Variants in SPINK6 observed in about 807,000 individuals in gnomAD.
The protein encoded by SPINK6 is serine peptidase inhibitor Kazal type 6, also known as serine protease inhibitor Kazal-type 6.
In SPINK6, 13 loss-of-function variants were observed where a neutral mutation model predicts 11.7. The ratio of observed to expected loss-of-function variants is 1.11; its 90% CI spans 0.72 to 1.76. SPINK6 has a LOEUF of 1.76. Ranked by LOEUF, SPINK6 falls within the 40% of genes most tolerant of loss-of-function variation. The pLI, the probability that SPINK6 is intolerant of heterozygous loss-of-function variation, is 0.00. For missense variants in SPINK6, 98 were observed against 93.7 expected (o/e 1.05, Z -0.19); for synonymous variants, 21 against 31.9 (o/e 0.66, Z 1.15).
At chr5:148,204,186 C>T (rs1187347814) in intron 1 of SPINK6, among the ~76,000 whole-genome samples, 2 of 151,872 alleles carry the variant, frequency 1.3e-5, no homozygotes, top group Non-Finnish European at 2.9e-5. Context: ...CCAGTGTTCA[C>T]TGTAGCTGGT....
At chr5:148,203,023 C>A, upstream of SPINK6, 3 of 1,281,718 alleles carry the variant, frequency 2.3e-6, no homozygotes, top group Non-Finnish European at 3.3e-6. Context: ...TATTTTAGGG[C>A]TTTCTGGGAA....
At chr5:148,202,991 T>G, upstream of SPINK6, 1 of 820,726 alleles carries the variant, frequency 1.2e-6, no homozygotes, top group East Asian at 2.5e-5. Context: ...ATAAACTGCA[T>G]AGGACTCATG....
At chr5:148,212,563 A>AG (rs377041959) in intron 2 of SPINK6, among the ~76,000 whole-genome samples, 7 of 67,278 alleles carry the variant, frequency 1.0e-4, no homozygotes, top group East Asian at 3.5e-4. Context: ...TATTTATATA[A>AG]TATATATTAT....
chr5:148,204,526 A>G (rs1755473250), intron 1 of SPINK6, among the ~76,000 whole-genome samples: 1 of 150,378 alleles, frequency 6.6e-6, no homozygotes, highest in Non-Finnish European at 1.5e-5. Flanking sequence ...TAAGGGCCTT[A>G]ATGCTGAAAC....
At chr5:148,212,678 T>C (rs932032832) in intron 2 of SPINK6, among the ~76,000 whole-genome samples, 1 of 113,440 alleles carries the variant, frequency 8.8e-6, no homozygotes, top group Non-Finnish European at 1.7e-5. Flanking sequence ...ATATAATATA[T>C]ATTTTATATA....
In SPINK6 at chr5:148,209,989, C is replaced by A. The variant is rs1755553612; in HGVS notation, c.82-3921C>A. On this transcript the variant is annotated intron_variant, in intron 2 of 3. Coordinates refer to ENST00000325630, the MANE Select transcript of SPINK6 (RefSeq NM_205841.4). ...ATACATACGTACGTATGTATGTATA[C>A]ATATACACGTATGTATACATGTATG... is the stretch of plus-strand genomic sequence containing the variant. Among the ~76,000 whole-genome samples, 4 of 149,504 alleles carry A rather than the reference C, an allele frequency of 2.7e-5. 2 individuals carry two copies. Among genetic ancestry groups the A allele is most frequent in the Non-Finnish European group, 6.0e-5 (4 of 66,976 alleles).
intron 2 of SPINK6, among the ~76,000 whole-genome samples, chr5:148,206,779 G>A (rs565549546): frequency 6.6e-6 from 1 of 152,090 alleles, no homozygotes; most frequent in South Asian, 2.1e-4. Flanking sequence ...TGCCAATCCT[G>A]TTCCTTTGTC....
chr5:148,210,939 G>T (rs1053671684), intron 2 of SPINK6, among the ~76,000 whole-genome samples: 2 of 152,126 alleles, frequency 1.3e-5, no homozygotes, highest in Non-Finnish European at 2.9e-5. Flanking sequence ...TAACCACATA[G>T]GTAGTGTTTG....
intron 1 of SPINK6, among the ~76,000 whole-genome samples, chr5:148,203,896 T>G (rs1175117731): frequency 2.0e-5 from 3 of 152,178 alleles, no homozygotes; most frequent in Non-Finnish European, 4.4e-5. Context: ...CTTATTATTC[T>G]ACTCTTTCAC....
intron 2 of SPINK6, among the ~76,000 whole-genome samples, chr5:148,206,346 G>A (rs749947908): frequency 2.0e-5 from 3 of 152,086 alleles, no homozygotes; most frequent in Admixed American, 6.6e-5. Context: ...TGATCTTGGG[G>A]AAGTTACTCA....
upstream of SPINK6, chr5:148,202,786 C>G: frequency 4.1e-6 from 1 of 246,098 alleles, no homozygotes; most frequent in Non-Finnish European, 7.7e-6. Context: ...GTGAATCATC[C>G]CTATAATGTA....
At chr5:148,210,378 A>C (rs200149887) in intron 2 of SPINK6, among the ~76,000 whole-genome samples, 1 of 146,086 alleles carries the variant, frequency 6.8e-6, no homozygotes, top group Admixed American at 6.9e-5. Context: ...GTGTTTCTGC[A>C]TACATATATA....
At chr5:148,213,446 G>A (rs1284353929) in intron 2 of SPINK6, among the ~76,000 whole-genome samples, 1 of 151,822 alleles carries the variant, frequency 6.6e-6, no homozygotes, top group Non-Finnish European at 1.5e-5. Flanking sequence ...TGATCCGCCC[G>A]CCTCGGCCTC....
chr5:148,214,057 G>T, intron 3 of SPINK6, 32 bp downstream of exon 3: 1 of 1,357,816 alleles, frequency 7.4e-7, no homozygotes, highest in Non-Finnish European at 1.0e-6. Context: ...GCTGACCCTT[G>T]CAAACACAAA....
intron 1 of SPINK6, among the ~76,000 whole-genome samples, 188 bp downstream of exon 1, chr5:148,203,342 T>G (rs1283510722): frequency 6.6e-6 from 1 of 152,166 alleles, no homozygotes; most frequent in African/African-American, 2.4e-5. Context: ...TACTGTGATT[T>G]GTTGAGCATA....
At chr5:148,211,622 C>T (rs778389515) in intron 2 of SPINK6, among the ~76,000 whole-genome samples, 3 of 152,034 alleles carry the variant, frequency 2.0e-5, no homozygotes, top group Non-Finnish European at 2.9e-5. Flanking sequence ...GCATCGAGTC[C>T]GTTGTTCAAG....
chr5:148,205,547 G>T (rs1755486374), intron 1 of SPINK6, among the ~76,000 whole-genome samples: 1 of 152,154 alleles, frequency 6.6e-6, no homozygotes. Context: ...AGTTTTAAAA[G>T]TTGAGCAATT....
At chr5:148,213,118 A>T (rs995024724) in intron 2 of SPINK6, among the ~76,000 whole-genome samples, 1 of 151,836 alleles carries the variant, frequency 6.6e-6, no homozygotes, top group Non-Finnish European at 1.5e-5. Flanking sequence ...TCAAGAGCTT[A>T]TGGATGGATA....
At chr5:148,212,495 T>C (rs1239804426) in intron 2 of SPINK6, among the ~76,000 whole-genome samples, 3 of 129,962 alleles carry the variant, frequency 2.3e-5, no homozygotes, top group African/African-American at 9.1e-5. Flanking sequence ...TATATATATA[T>C]ATAAAGTATA....
Sources: gnomAD v4.1 joint callset for allele counts (sites outside exome capture counted in the v4.1 genomes callset) on GRCh38, gnomAD v4.1.1 for gene constraint, MANE v1.5 for transcripts, NCBI Gene and HGNC (gene_info 2026-07-23, HGNC 2026-07-21) for gene names.